Variants in TMPO observed in about 807,000 individuals in gnomAD.
TMPO encodes the protein thymopoietin, also known as LEM domain containing 4.
A neutral mutation model predicts 45.4 loss-of-function variants in TMPO; 22 were observed. The observed-to-expected ratio is 0.48, with a 90% CI of 0.35 to 0.69. TMPO has a LOEUF of 0.69. Ranked by LOEUF, TMPO falls within the 30% of genes least tolerant of loss-of-function variation. TMPO has a pLI of 0.01. For synonymous variants in TMPO, 241 were observed against 204.1 expected, an observed-to-expected ratio of 1.18 and a Z score of -1.54; for missense variants, 512 against 548.8, an observed-to-expected ratio of 0.93 and a Z score of 0.67.
chr12:98,522,556 C>G (rs1302347687), intron 1 of TMPO, among the ~76,000 whole-genome samples: 1 of 152,134 alleles, frequency 6.6e-6, no homozygotes, highest in Non-Finnish European at 1.5e-5. Flanking sequence ...GAGGAATAAC[C>G]TAATAGCTAC....
intron 3 of TMPO, chr12:98,535,635 T>A: frequency 1.0e-6 from 1 of 985,478 alleles, no homozygotes; most frequent in Non-Finnish European, 1.2e-6. Context: ...TTGAACAGTG[T>A]TGTGTGGTCT....
intron 1 of TMPO, among the ~76,000 whole-genome samples, chr12:98,521,024 A>G (rs1876314099): frequency 6.6e-6 from 1 of 151,758 alleles, no homozygotes; most frequent in African/African-American, 2.4e-5. Context: ...AAGACAAATC[A>G]AGCATTAATG....
chr12:98,516,385 T>TG (rs1452629780), intron 1 of TMPO: 7 of 1,197,976 alleles, frequency 5.8e-6, no homozygotes, highest in Middle Eastern at 3.3e-4. Flanking sequence ...GGTGTGGAGT[T>TG]GCGTTGGCGG....
intron 3 of TMPO, chr12:98,535,284 T>C (rs1390792474): frequency 7.1e-6 from 7 of 982,674 alleles, no homozygotes; most frequent in Non-Finnish European, 7.3e-6. Context: ...TAAATTTTTT[T>C]AAGCCATAAG....
At chr12:98,545,125 GTTTGT>G (rs1367694373) in intron 7 of TMPO, 64 bp downstream of exon 7, 34 of 543,000 alleles carry the variant, frequency 6.3e-5, no homozygotes, top group African/African-American at 5.9e-4. Flanking sequence ...ATAAATATTT[GTTTGT>G]TTTTTTTTTT....
Position 98,550,061 on chromosome 12 carries a change from G to C in TMPO, c.*2203G>C, listed in dbSNP as rs1303470051. The C allele has an allele frequency of 1.3e-5, 2 of 152,210 alleles. No homozygotes were observed. Among genetic ancestry groups the C allele is most frequent in the African/African-American group, 4.8e-5 (2 of 41,468 alleles). The allele number at this position is 152,210 out of a possible 1,614,324, so 9.4% of individuals were successfully genotyped here. On this transcript the variant is annotated 3_prime_UTR_variant, in exon 9 of 9. Coordinates refer to ENST00000556029, the MANE Select transcript of TMPO (RefSeq NM_001032283.3). ...GAAGCTTCATTTAGTGTTTAAAAAT[G>C]TGGGGAGATAAATCAGACTTAACAT...
At position 98,547,893 on chromosome 12, in the gene TMPO, T is replaced by C. The variant is rs1296069960; in HGVS notation, c.*35T>C. 22 of 1,608,244 alleles carry C rather than the reference T, an allele frequency of 1.4e-5. No individual in the cohort carries two copies. The highest frequency in any genetic ancestry group is 1.6e-5 in the Non-Finnish European group (19 of 1,176,430). On this transcript the variant is annotated 3_prime_UTR_variant, in exon 9 of 9. Transcript: ENST00000556029. ...CTTTGGCACGTTCAACTTGGTCTCCTATTTTCAATAACTGTTGAAAAACAT... is the reference window on the plus strand; with the variant it reads ...CTTTGGCACGTTCAACTTGGTCTCCCATTTTCAATAACTGTTGAAAAACAT...
intron 3 of TMPO, chr12:98,535,514 A>T: frequency 2.0e-6 from 2 of 985,242 alleles, no homozygotes; most frequent in Non-Finnish European, 2.4e-6. Context: ...GAGTAATTTT[A>T]TTTGTTGTCT....
intron 1 of TMPO, among the ~76,000 whole-genome samples, chr12:98,518,534 C>G (rs1787939745): frequency 7.9e-6 from 1 of 126,678 alleles, no homozygotes; most frequent in African/African-American, 3.1e-5. Context: ...TGGTCTAGAA[C>G]TCTTGGCCTC....
chr12:98,518,801 A>G (rs1876098311), intron 1 of TMPO, among the ~76,000 whole-genome samples: 1 of 152,054 alleles, frequency 6.6e-6, no homozygotes, highest in African/African-American at 2.4e-5. Flanking sequence ...TTTAAAAATG[A>G]ATTGTGTTTA....
At chr12:98,528,106 A>T (rs1876917011) in intron 2 of TMPO, 94 bp downstream of exon 2, 1 of 1,452,180 alleles carries the variant, frequency 6.9e-7, no homozygotes, top group Non-Finnish European at 9.6e-7. Context: ...GGTTCCAAGG[A>T]CTGGTTTGTC....
intron 4 of TMPO, among the ~76,000 whole-genome samples, chr12:98,542,438 T>C (rs1877967577): frequency 7.0e-6 from 1 of 142,320 alleles, no homozygotes; most frequent in Non-Finnish European, 1.5e-5. Flanking sequence ...GTTATGGTAG[T>C]TGGGGGCATT....
intron 3 of TMPO, 136 bp from the exon 4 acceptor site, chr12:98,537,339 C>G (rs1278523341): frequency 4.6e-6 from 3 of 654,550 alleles, no homozygotes; most frequent in Non-Finnish European, 7.9e-6. Context: ...CAATTTTGGA[C>G]TAGTGAGGTA....
rs1043782138 is a variant in TMPO at position 98,544,532 on chromosome 12, T to C, written c.874T>C (p.Ser292Pro). ...AACTATAATGGCTTCAAGCAACGAATCCTTAGTAAATATGTTTCATAAACT... is the reference window on the plus strand; with the variant it reads ...AACTATAATGGCTTCAAGCAACGAACCCTTAGTAAATATGTTTCATAAACT... ...AETIMASSNE[S>P]LVVNRVTGNF... The change falls in exon 6 of 9, where the codon TCC becomes CCC. Residue 292 changes from serine to proline, a missense_variant. Ser to Pro is a moderately conservative substitution (Grantham distance 74). Transcript: ENST00000556029. 1 of 1,608,954 alleles carries C rather than the reference T, an allele frequency of 6.2e-7. No homozygotes were observed. Among genetic ancestry groups the C allele is most frequent in the African/African-American group, 1.3e-5 (1 of 74,818 alleles).
intron 3 of TMPO, among the ~76,000 whole-genome samples, chr12:98,537,135 T>A (rs1565813644): frequency 1.3e-5 from 2 of 152,202 alleles, no homozygotes; most frequent in Non-Finnish European, 2.9e-5. Flanking sequence ...AATGGCCTTT[T>A]TCCACATCTA....
intron 2 of TMPO, 135 bp from the exon 3 acceptor site, chr12:98,531,545 G>GT: frequency 4.2e-6 from 4 of 944,396 alleles, no homozygotes; most frequent in African/African-American, 1.7e-5. Context: ...GCATTATATG[G>GT]TATTTTTTTT....
intron 1 of TMPO, among the ~76,000 whole-genome samples, chr12:98,519,573 A>G (rs1374218901): frequency 6.6e-6 from 1 of 152,140 alleles, no homozygotes; most frequent in Non-Finnish European, 1.5e-5. Context: ...TCATTTAATT[A>G]TTTCATCCAT....
intron 3 of TMPO, chr12:98,534,371 T>G (rs1251369680): frequency 1.9e-6 from 3 of 1,608,044 alleles, no homozygotes; most frequent in Non-Finnish European, 1.7e-6. Context: ...GACATCTATC[T>G]TATCTTTCAG....
intron 2 of TMPO, among the ~76,000 whole-genome samples, chr12:98,531,268 T>C (rs1877172782): frequency 7.4e-6 from 1 of 134,990 alleles, no homozygotes; most frequent in African/African-American, 2.7e-5. Context: ...TAAGACAGCA[T>C]CTTACTTCCT....
Sources: allele counts gnomAD v4.1 joint callset (sites outside exome capture counted in the v4.1 genomes callset), GRCh38; gene constraint gnomAD v4.1.1; transcripts MANE v1.5; gene names NCBI Gene and HGNC (gene_info 2026-07-23, HGNC 2026-07-21).